The following OCRL variants were observed in gnomAD, a reference collection of about 807,000 sequenced individuals.
OCRL encodes the protein OCRL inositol polyphosphate-5-phosphatase.
Under a neutral mutation model 78.9 loss-of-function variants are expected in OCRL, and 8 were observed. The observed-to-expected ratio is 0.10, with a 90% CI of 0.06 to 0.18. The LOEUF is 0.18. OCRL is among the 10% of genes least tolerant of loss of function. The pLI is 1.00. For synonymous variants in OCRL, 240 were observed against 235.4 expected, an observed-to-expected ratio of 1.02 and a Z score of -0.18; for missense variants, 454 against 696.7, an observed-to-expected ratio of 0.65 and a Z score of 3.92.
At chrX:129,583,470 C>CA (rs1936470786) in intron 18 of OCRL, among the ~76,000 whole-genome samples, 1 of 111,634 alleles carries the variant, frequency 9.0e-6, no homozygotes, top group Non-Finnish European at 1.9e-5. Flanking sequence ...TGGCCTTGGG[C>CA]AAATAATTTA....
chrX:129,562,537 T>A, intron 11 of OCRL, 37 bp downstream of exon 11: 2 of 1,189,181 alleles, frequency 1.7e-6, no homozygotes, highest in Non-Finnish European at 2.3e-6. Context: ...TTATTATTCA[T>A]GTTCATGTAA....
Position 129,590,405 on chromosome X carries a change from C to A in OCRL, c.*135C>A. 1 of 810,310 alleles carries A rather than the reference C, an allele frequency of 1.2e-6. No individual in the cohort carries two copies. The highest frequency in any genetic ancestry group is 1.8e-6 in the Non-Finnish European group (1 of 547,090). 66.8% of individuals were successfully genotyped at this position (810,310 alleles called of 1,213,427 possible). On this transcript the variant is annotated 3_prime_UTR_variant, in exon 24 of 24. Transcript: ENST00000371113. ...TTCTGTTTATAGTAAAAAGGAAGAG[C>A]GTTTCCTAATCCCTCCTTTACCATA...
At chrX:129,542,509 ATAAC>A (rs1360546568) in intron 2 of OCRL, among the ~76,000 whole-genome samples, 2 of 107,078 alleles carry the variant, frequency 1.9e-5, no homozygotes, top group South Asian at 3.8e-4. Context: ...TTGTTGCTAT[ATAAC>A]TAACATTCAA....
At chrX:129,577,260 G>A (rs1936380976) in intron 18 of OCRL, among the ~76,000 whole-genome samples, 1 of 111,314 alleles carries the variant, frequency 9.0e-6, no homozygotes, top group South Asian at 3.8e-4. Flanking sequence ...CTTACTTAAT[G>A]TGATGTGCTT....
intron 6 of OCRL, among the ~76,000 whole-genome samples, 199 bp from the exon 7 acceptor site, chrX:129,558,434 A>G (rs1040109436): frequency 8.9e-6 from 1 of 112,241 alleles, no homozygotes; most frequent in South Asian, 3.7e-4. Context: ...ATAAACTTCT[A>G]TTGTTCTAGT....
rs6637618 is a variant in OCRL, at chrX:129,547,449, T to C, written c.200-1114T>C. On this transcript the variant is annotated intron_variant, in intron 3 of 23. Transcript: ENST00000371113. ...CTGAGGCAGGAGAATGGTGTGAACC[T>C]GGGAGGCGGAGCTTGCAGTGAGCCG... Among the ~76,000 whole-genome samples, 5,709 of 97,416 alleles carry C rather than the reference T, an allele frequency of 0.059. 653 individuals are homozygous for C. The East Asian group carries it at 0.68, about 12-fold the overall frequency. The allele number at this position is 97,416 out of a possible 115,157, so 84.6% of individuals were successfully genotyped here. A position where few individuals can be genotyped will look rare whatever the true frequency, so the allele number is the denominator to read the frequency against.
At chrX:129,564,469 G>C (rs6637620) in intron 12 of OCRL, among the ~76,000 whole-genome samples, 21,276 of 109,353 alleles carry the variant, frequency 0.19, 4,044 homozygotes, top group East Asian at 0.7. Flanking sequence ...TTGGAACCAA[G>C]CCAAATGTCC....
intron 19 of OCRL, 78 bp downstream of exon 19, chrX:129,584,445 C>A (rs1936484846): frequency 2.0e-6 from 2 of 984,164 alleles, no homozygotes; most frequent in African/African-American, 3.8e-5. Context: ...GAATTTGTCC[C>A]TAGGCTTTCC....
At chrX:129,582,680 G>A (rs1189452789) in intron 18 of OCRL, among the ~76,000 whole-genome samples, 5 of 111,928 alleles carry the variant, frequency 4.5e-5, no homozygotes, top group African/African-American at 1.3e-4. Flanking sequence ...CTATAAATAT[G>A]TACCTTATAA....
chrX:129,540,729 G>C lies in OCRL; in HGVS notation c.40-15G>C. 4 of 1,203,061 alleles carry C rather than the reference G, an allele frequency of 3.3e-6. No homozygotes were observed. The highest frequency in any genetic ancestry group is 3.4e-6 in the Non-Finnish European group (3 of 888,229). On this transcript the variant is annotated splice_polypyrimidine_tract_variant and intron_variant, in intron 1 of 23. Transcript: ENST00000371113. Reference sequence around the variant, plus strand: ...CACCGCGCTTCCGAAGGAGACCCTTGACTAGCGCCCGCATACTGTCGAGGG... The same window carrying C: ...CACCGCGCTTCCGAAGGAGACCCTTCACTAGCGCCCGCATACTGTCGAGGG...
intron 5 of OCRL, 44 bp from the exon 6 acceptor site, chrX:129,557,817 G>T (rs1328086470): frequency 1.1e-6 from 1 of 920,075 alleles, no homozygotes; most frequent in Admixed American, 2.2e-5. Context: ...ATTCTACTCA[G>T]TGAAAGACTT....
At position 129,562,727 on chromosome X, in the gene OCRL, G is replaced by A; in HGVS notation, c.1185G>A (p.Ala395=). ...ATCAAGATTATAAGGACATTTGTGC[G>A]AGAATGAGTTTTGTGGTCCCAAATC... is the stretch of plus-strand genomic sequence containing the variant. The part of the protein sequence containing the change: ...RRNQDYKDIC[A]RMSFVVPNQT... The change falls in exon 12 of 24, where the codon GCG becomes GCA. Residue 395 remains alanine (A), a synonymous_variant. Transcript: ENST00000371113. 6.6e-6 allele frequency: 8 copies of A among 1,211,650 alleles called. No individual in the cohort carries two copies. The highest frequency in any genetic ancestry group is 3.5e-5 in the African/African-American group (2 of 57,804).
chrX:129,540,406 G>C lies in OCRL; in HGVS notation c.-34G>C. On this transcript the variant is annotated 5_prime_UTR_variant, in exon 1 of 24. Coordinates refer to ENST00000371113, the MANE Select transcript of OCRL (RefSeq NM_000276.4). ...GCCAGTGTCGTCGGATCGGCCCGCA[G>C]TCCGCTGTCCTGCTGAGCCCGGAGG... The C allele has an allele frequency of 1.0e-5, 12 of 1,153,490 alleles. No homozygotes were observed. Among genetic ancestry groups the C allele is most frequent in the Non-Finnish European group, 1.4e-5 (12 of 869,721 alleles).
chrX:129,552,015 A>G (rs1935966744), intron 4 of OCRL, among the ~76,000 whole-genome samples: 1 of 111,886 alleles, frequency 8.9e-6, no homozygotes, highest in African/African-American at 3.3e-5. Flanking sequence ...CAAGGTAAGA[A>G]AAACAGGCTA....
chrX:129,562,827 C>A (rs766630446), intron 12 of OCRL, 41 bp downstream of exon 12: 455 of 1,125,623 alleles, frequency 4.0e-4, no homozygotes, highest in Non-Finnish European at 5.4e-4. Flanking sequence ...GTAGTGGCTA[C>A]AGGAGTTTGG....
chrX:129,547,717 G>T (rs2124391677), intron 3 of OCRL, among the ~76,000 whole-genome samples: 1 of 110,834 alleles, frequency 9.0e-6, no homozygotes, highest in South Asian at 3.9e-4. Flanking sequence ...CTTGCCAGTT[G>T]CTTCTGTTGT....
chrX:129,584,442 T>G (rs1269082658), intron 19 of OCRL, 75 bp downstream of exon 19: 1 of 1,008,357 alleles, frequency 9.9e-7, no homozygotes, highest in East Asian at 3.0e-5. Flanking sequence ...CTGGAATTTG[T>G]CCCTAGGCTT....
chrX:129,545,036 A>C lies in OCRL; in HGVS notation c.198A>C (p.Gln66His). ...TAAATAGCCACTTCAGATGTGTTCA[A>C]GGTACTAGCTTTAATTCCTTAGCTA... The part of the protein sequence containing the change: ...IPINSHFRCV[Q>H]EAEETLLIDI... The change falls in exon 3 of 24, where the codon CAA becomes CAC. Residue 66 changes from glutamine (Q) to histidine (H), a missense_variant and splice_region_variant. By Grantham distance (24) the Gln-to-His change is conservative. Around this residue, in one of 2 missense-constraint regions of OCRL, gnomAD observed 177 missense variants for 179.6 expected, o/e 0.99. Coordinates refer to ENST00000371113, the MANE Select transcript of OCRL (RefSeq NM_000276.4). 9.7e-7 allele frequency: 1 copy of C among 1,029,110 alleles called. No individual in the cohort carries two copies. Among genetic ancestry groups the C allele is most frequent in the Non-Finnish European group, 1.4e-6 (1 of 729,700 alleles). The allele number at this position is 1,029,110 out of a possible 1,213,427, so 84.8% of individuals were successfully genotyped here.
intron 19 of OCRL, 125 bp downstream of exon 19, chrX:129,584,492 A>C: frequency 1.6e-6 from 1 of 618,130 alleles, no homozygotes; most frequent in Non-Finnish European, 2.8e-6. Flanking sequence ...GACTCCCCTA[A>C]AGTCCTGCCG....
Sources: gnomAD v4.1 joint callset for allele counts (sites outside exome capture counted in the v4.1 genomes callset) on GRCh38, gnomAD v4.1.1 for gene constraint, gnomAD v4.1.1 regional missense constraint, MANE v1.5 for transcripts, NCBI Gene and HGNC (gene_info 2026-07-23, HGNC 2026-07-21) for gene names.